Variants in GPC6 observed in about 807,000 individuals in gnomAD.
GPC6 encodes the protein glypican 6.
Under a neutral mutation model 55.2 loss-of-function variants are expected in GPC6, and 14 were observed. That is an observed-to-expected ratio of 0.25 (90% CI 0.17 to 0.40). The LOEUF (loss-of-function observed/expected upper bound fraction) is 0.40. GPC6 is among the 10% of genes least tolerant of loss of function. GPC6 has a pLI of 1.00. For missense variants in GPC6, 641 were observed against 708.5 expected, an observed-to-expected ratio of 0.90 and a Z score of 1.08; for synonymous variants, 278 against 259.6, an observed-to-expected ratio of 1.07 and a Z score of -0.68.
chr13:93,963,901 T>G (rs2140386435), intron 3 of GPC6, among the ~76,000 whole-genome samples: 1 of 152,308 alleles, frequency 6.6e-6, no homozygotes, highest in South Asian at 2.1e-4. Flanking sequence ...ACCATTCTGG[T>G]TTGTTCCAAG....
chr13:93,589,891 A>T (rs9516257), intron 2 of GPC6, among the ~76,000 whole-genome samples: 1 of 152,036 alleles, frequency 6.6e-6, no homozygotes, highest in Non-Finnish European at 1.5e-5. Flanking sequence ...TAAAACACTT[A>T]TGCCTTAAGG....
At chr13:93,542,673 ATTTG>A (rs1288200167) in intron 1 of GPC6, among the ~76,000 whole-genome samples, 1 of 152,084 alleles carries the variant, frequency 6.6e-6, no homozygotes, top group African/African-American at 2.4e-5. Flanking sequence ...ATGTTCTTCC[ATTTG>A]TTTGTATTCT....
chr13:93,475,877 CA>C (rs1879285102), intron 1 of GPC6, among the ~76,000 whole-genome samples: 2 of 151,998 alleles, frequency 1.3e-5, no homozygotes, highest in South Asian at 4.1e-4. Context: ...AACATTTGAA[CA>C]AGCATTTCTG....
intron 3 of GPC6, among the ~76,000 whole-genome samples, chr13:94,011,412 T>C (rs538454697): frequency 2.5e-4 from 38 of 152,296 alleles, no homozygotes; most frequent in South Asian, 6.2e-4. Flanking sequence ...AGGAACATTA[T>C]TTTTGTATCA....
At chr13:94,018,398 T>C (rs1249957403) in intron 3 of GPC6, among the ~76,000 whole-genome samples, 1 of 151,964 alleles carries the variant, frequency 6.6e-6, no homozygotes, top group Non-Finnish European at 1.5e-5. Flanking sequence ...CAAGCAATTC[T>C]CCTGCCTCAG....
rs1490731023 is a variant in GPC6, at chr13:93,895,243, T to C, written c.711+64698T>C. Among the ~76,000 whole-genome samples the C allele has an allele frequency of 3.8e-3, 227 of 60,034 alleles. 8 individuals carry two copies. Among genetic ancestry groups the C allele is most frequent in the African/African-American group, 0.013 (216 of 16,574 alleles). 39.4% of individuals were successfully genotyped at this position (60,034 alleles called of 152,430 possible). On this transcript the variant is annotated intron_variant, in intron 3 of 8. Coordinates refer to ENST00000377047, the MANE Select transcript of GPC6 (RefSeq NM_005708.5). ...ATGTATGTGTGTGTGTGTATATATA[T>C]ATATATATATATATATATATATATA...
At chr13:94,248,423 A>G (rs773022621) in intron 4 of GPC6, among the ~76,000 whole-genome samples, 1 of 152,132 alleles carries the variant, frequency 6.6e-6, no homozygotes, top group African/African-American at 2.4e-5. Context: ...AACCAACATC[A>G]TAGAACCTTA....
intron 5 of GPC6, among the ~76,000 whole-genome samples, chr13:94,297,176 C>A (rs1211024212): frequency 6.6e-6 from 1 of 152,116 alleles, no homozygotes; most frequent in East Asian, 1.9e-4. Context: ...TTCCGTCACA[C>A]TTCTTACATT....
At chr13:94,303,035 G>A (rs1474354215) in intron 5 of GPC6, among the ~76,000 whole-genome samples, 1 of 152,254 alleles carries the variant, frequency 6.6e-6, no homozygotes, top group African/African-American at 2.4e-5. Context: ...GGACACCCGC[G>A]GGATCCGGAG....
chr13:93,556,953 A>T (rs1875515458), intron 2 of GPC6, among the ~76,000 whole-genome samples: 1 of 152,158 alleles, frequency 6.6e-6, no homozygotes, highest in African/African-American at 2.4e-5. Context: ...CTTTGATTCA[A>T]ACATAAGGTA....
At chr13:94,114,035 A>G (rs2138843496) in intron 4 of GPC6, among the ~76,000 whole-genome samples, 1 of 147,350 alleles carries the variant, frequency 6.8e-6, no homozygotes, top group South Asian at 2.2e-4. Flanking sequence ...AAAAAAAAAA[A>G]GCCCAGTGAC....
At position 93,246,614 on chromosome 13, in the gene GPC6, G is replaced by A. The variant is rs182214130; in HGVS notation, c.160+18998G>A. Among the ~76,000 whole-genome samples the A allele has an allele frequency of 3.8e-3, 578 of 151,646 alleles. 5 individuals are homozygous for A. The highest frequency in any genetic ancestry group is 5.8e-3 in the Non-Finnish European group (397 of 67,900). On this transcript the variant is annotated intron_variant, in intron 1 of 8. Transcript: ENST00000377047. Reference sequence around the variant, plus strand: ...TGATTGAGACCATCCTGGCTTACACGGTGAAACCTCGTCTCTACTAAAAAT... The same window carrying A: ...TGATTGAGACCATCCTGGCTTACACAGTGAAACCTCGTCTCTACTAAAAAT...
intron 4 of GPC6, among the ~76,000 whole-genome samples, chr13:94,049,593 A>G (rs1203924695): frequency 6.6e-6 from 1 of 152,038 alleles, no homozygotes; most frequent in African/African-American, 2.4e-5. Flanking sequence ...CTGCTCCTGC[A>G]CTGCTCTTGC....
At chr13:93,448,842 C>T (rs1878107224) in intron 1 of GPC6, among the ~76,000 whole-genome samples, 1 of 152,184 alleles carries the variant, frequency 6.6e-6, no homozygotes, top group Non-Finnish European at 1.5e-5. Flanking sequence ...TTCCTGCTTT[C>T]AAACTTCCAG....
At position 94,303,668 on chromosome 13, in the gene GPC6, G is replaced by T. The variant is rs116579198; in HGVS notation, c.1009-2312G>T. ...TTTGGTCACAGACCCAGTGATTTCT[G>T]CATGGAAGCTATCTTCAACATCCAA... On this transcript the variant is annotated intron_variant, in intron 5 of 8. Transcript: ENST00000377047. 4.4e-3 allele frequency among the ~76,000 whole-genome samples: 665 copies of T among 151,138 alleles called. 6 individuals carry two copies. The highest frequency in any genetic ancestry group is 0.011 in the African/African-American group (461 of 41,140).
Position 93,729,636 on chromosome 13 carries a change from A to G in GPC6, c.320-100518A>G, listed in dbSNP as rs1406781218. Among the ~76,000 whole-genome samples the G allele has an allele frequency of 1.8e-4, 27 of 152,200 alleles. 1 individual carries two copies. The highest frequency in any genetic ancestry group is 1.8e-3 in the Admixed American group (27 of 15,280). ...TTTACAGCAAAGTAGAAATTGGTAC[A>G]ACCATTTTGGGAAACTATTGGACAG... On this transcript the variant is annotated intron_variant, in intron 2 of 8. Coordinates refer to ENST00000377047, the MANE Select transcript of GPC6 (RefSeq NM_005708.5).
intron 1 of GPC6, among the ~76,000 whole-genome samples, chr13:93,271,478 G>T (rs1877523252): frequency 6.6e-6 from 1 of 151,872 alleles, no homozygotes; most frequent in South Asian, 2.1e-4. Flanking sequence ...TAAACCCTAA[G>T]ACAGTTGATA....
At chr13:93,600,682 C>T (rs1055515840) in intron 2 of GPC6, among the ~76,000 whole-genome samples, 1 of 151,866 alleles carries the variant, frequency 6.6e-6, no homozygotes, top group Non-Finnish European at 1.5e-5. Flanking sequence ...AGTATGATTT[C>T]GGCTCATGCC....
At chr13:93,949,268 G>A (rs1289376959) in intron 3 of GPC6, among the ~76,000 whole-genome samples, 1 of 152,190 alleles carries the variant, frequency 6.6e-6, no homozygotes, top group African/African-American at 2.4e-5. Flanking sequence ...AGATAATGAA[G>A]CAATTTATGA....
Sources: gnomAD v4.1 joint callset for allele counts (sites outside exome capture counted in the v4.1 genomes callset) on GRCh38, gnomAD v4.1.1 for gene constraint, MANE v1.5 for transcripts, NCBI Gene and HGNC (gene_info 2026-07-23, HGNC 2026-07-21) for gene names.